Variants in STK32C observed in about 807,000 individuals in gnomAD.
STK32C encodes serine/threonine kinase 32C.
A neutral mutation model predicts 56.5 loss-of-function variants in STK32C; 31 were observed. The observed-to-expected ratio is 0.55, with a 90% CI of 0.41 to 0.74. The LOEUF is 0.74. Among genes scored for constraint, STK32C ranks in the 30% least tolerant of loss-of-function variants. The probability of loss-of-function intolerance (pLI) is 0.00; values close to 1 mark genes in which losing one functional copy is unlikely to be tolerated. For missense variants in STK32C, 544 were observed against 676.9 expected, an observed-to-expected ratio of 0.80 and a Z score of 2.18; for synonymous variants, 309 against 289.4, an observed-to-expected ratio of 1.07 and a Z score of -0.69.
chr10:132,249,240 T>G (rs994715909), intron 1 of STK32C: 23 of 333,194 alleles, frequency 6.9e-5, no homozygotes, highest in Admixed American at 1.6e-4. Context: ...GGGCTGAGGG[T>G]GGGGCTGTGG....
At chr10:132,210,973 G>T (rs992888416) in intron 10 of STK32C, among the ~76,000 whole-genome samples, 3 of 152,298 alleles carry the variant, frequency 2.0e-5, no homozygotes, top group African/African-American at 7.2e-5. Flanking sequence ...CGGTGTGAGC[G>T]GCCAGCACCT....
chr10:132,272,692 G>A (rs546697141), intron 1 of STK32C, among the ~76,000 whole-genome samples: 30 of 152,116 alleles, frequency 2.0e-4, no homozygotes, highest in South Asian at 6.2e-4. Context: ...TGGTCTCCCC[G>A]CCTCCACCCT....
rs2063672273 is a variant in STK32C at position 132,245,965 on chromosome 10, A to C, written c.263-10T>G. 1 of 1,613,340 alleles carries C rather than the reference A, an allele frequency of 6.2e-7. No homozygotes were observed. The highest frequency in any genetic ancestry group is 1.7e-5 in the Admixed American group (1 of 60,006). ...AAGTGGTCGAAGTTCACTGCAGGAT[A>C]AAACAGAGGGACACCTGGTGAGGTG... On this transcript the variant is annotated splice_polypyrimidine_tract_variant and intron_variant, in intron 1 of 11. Transcript: ENST00000298630.
chr10:132,215,436 G>A (rs925272325), intron 10 of STK32C, among the ~76,000 whole-genome samples: 20 of 152,100 alleles, frequency 1.3e-4, no homozygotes, highest in East Asian at 3.9e-4. Context: ...TTATGGGGGC[G>A]GGTCTTTCCT....
intron 10 of STK32C, among the ~76,000 whole-genome samples, chr10:132,211,619 C>T (rs1016961090): frequency 4.6e-5 from 7 of 152,192 alleles, no homozygotes; most frequent in African/African-American, 1.7e-4. Flanking sequence ...AGGGTCTGTG[C>T]CTGGCCTGGA....
Position 132,208,031 on chromosome 10 carries a change from G to T in STK32C, c.1440C>A (p.Cys480Ter). 7.6e-7 allele frequency: 1 copy of T among 1,310,390 alleles called. No homozygotes were observed. The highest frequency in any genetic ancestry group is 9.8e-7 in the Non-Finnish European group (1 of 1,022,200). 81.2% of individuals were successfully genotyped at this position (1,310,390 alleles called of 1,614,324 possible). ...RSALPMCGPI[C>*]PSAGSG Reference sequence around the variant, plus strand: ...CGGCCTAGCCGCTCCCGGCCGAGGGGCAAATGGGGCCGCACATGGGCAGGG... The same window carrying T: ...CGGCCTAGCCGCTCCCGGCCGAGGGTCAAATGGGGCCGCACATGGGCAGGG... Residue 480 changes from cysteine (C) to a stop codon, truncating the protein, a stop_gained, in exon 12 of 12, where the codon TGC becomes TGA. Coordinates refer to ENST00000298630, the MANE Select transcript of STK32C (RefSeq NM_173575.4). LOFTEE classifies it high-confidence loss of function.
downstream of STK32C, among the ~76,000 whole-genome samples, chr10:132,320,695 G>A (rs2066389962): frequency 2.6e-5 from 4 of 152,286 alleles, no homozygotes; most frequent in South Asian, 4.1e-4. Context: ...AATCCTTTGT[G>A]CGCCACGTTG....
upstream of STK32C, among the ~76,000 whole-genome samples, chr10:132,312,901 G>A (rs907310243): frequency 2.6e-5 from 4 of 152,262 alleles, no homozygotes; most frequent in African/African-American, 7.2e-5. Context: ...TTAGCCAGGC[G>A]TGGTGGCACA....
intron 3 of STK32C, 91 bp downstream of exon 3, chr10:132,227,886 C>A (rs932079271): frequency 5.3e-6 from 8 of 1,511,010 alleles, no homozygotes; most frequent in Non-Finnish European, 7.1e-6. Context: ...GGCACGAGGG[C>A]CAAGGAGCAC....
At chr10:132,250,873 C>T (rs1319737198) in intron 1 of STK32C, among the ~76,000 whole-genome samples, 1 of 152,206 alleles carries the variant, frequency 6.6e-6, no homozygotes, top group African/African-American at 2.4e-5. Context: ...GCACTCAGAG[C>T]CCCCAAAACC....
chr10:132,213,652 G>A (rs1261889288), intron 10 of STK32C, among the ~76,000 whole-genome samples: 1 of 152,202 alleles, frequency 6.6e-6, no homozygotes, highest in Non-Finnish European at 1.5e-5. Flanking sequence ...AATAGAGTGT[G>A]AAGAGACAAT....
chr10:132,270,927 C>A (rs2064797323), intron 1 of STK32C, among the ~76,000 whole-genome samples: 1 of 147,522 alleles, frequency 6.8e-6, no homozygotes, highest in African/African-American at 2.7e-5. Flanking sequence ...CCCTCCAGAG[C>A]AACAGCCAAT....
At position 132,324,966 on chromosome 10, in the gene STK32C, A is replaced by G. The variant is rs144807950; in HGVS notation, c.302-593T>C. On this transcript the variant is annotated intron_variant, in intron 1 of 1. Transcript: ENST00000368619. Reference sequence around the variant, plus strand: ...CAATTGGTTGAAAGAATTATTATCTAAAGACCTGGAATCAATCAACAGGAA... The same window carrying G: ...CAATTGGTTGAAAGAATTATTATCTGAAGACCTGGAATCAATCAACAGGAA... Among the ~76,000 whole-genome samples the G allele has an allele frequency of 4.1e-4, 63 of 152,336 alleles. 1 individual carries two copies. In the East Asian group the frequency reaches 0.01, roughly 24 times the overall value.
intron 1 of STK32C, among the ~76,000 whole-genome samples, chr10:132,259,521 C>G (rs779935720): frequency 6.6e-6 from 1 of 152,074 alleles, no homozygotes; most frequent in East Asian, 1.9e-4. Context: ...TTGCTGTTCT[C>G]GTGATAGTGA....
upstream of STK32C, among the ~76,000 whole-genome samples, chr10:132,311,557 T>C (rs775310524): frequency 5.3e-5 from 8 of 152,180 alleles, no homozygotes; most frequent in Non-Finnish European, 7.4e-5. This position sits in a 1 kb window ranked among gnomAD's most constrained non-coding sequence, Gnocchi z 4.4. Context: ...ACCTGGTGAC[T>C]CAGGAAGGAG....
At chr10:132,208,931 C>A in intron 11 of STK32C, 103 bp downstream of exon 11, 5 of 1,107,018 alleles carry the variant, frequency 4.5e-6, no homozygotes, top group South Asian at 4.3e-5. Flanking sequence ...GGGCCACGCA[C>A]CCCAGGCCCA....
chr10:132,224,620 T>TC (rs2062813265), intron 7 of STK32C, 97 bp from the exon 8 acceptor site: 8 of 812,584 alleles, frequency 9.8e-6, no homozygotes, highest in Admixed American at 8.5e-5. Flanking sequence ...GAGGACCCCC[T>TC]CCCCCCACCC....
Position 132,225,092 on chromosome 10 carries a change from C to T in STK32C, c.876+141G>A, listed in dbSNP as rs1209049162. 1.5e-5 allele frequency: 10 copies of T among 661,632 alleles called. No homozygotes were observed. In the Admixed American group the frequency reaches 2.1e-4, roughly 14 times the overall value. 41.0% of individuals were successfully genotyped at this position (661,632 alleles called of 1,614,324 possible). ...GCATTCCATCACCAACTACACACTT[C>T]GATAAAAGCGTGACTCCTCAGACAC... On this transcript the variant is annotated intron_variant, in intron 7 of 11. Transcript: ENST00000298630.
At chr10:132,323,338 G>T (rs2066443714), downstream of STK32C, among the ~76,000 whole-genome samples, 1 of 152,174 alleles carries the variant, frequency 6.6e-6, no homozygotes, top group Admixed American at 6.5e-5. The surrounding 1 kb of genome is among the most constrained non-coding windows in gnomAD (Gnocchi z 4.8). Context: ...ACCCATCCTT[G>T]ATATCTCTTA....
Sources: gnomAD v4.1 joint callset for allele counts (sites outside exome capture counted in the v4.1 genomes callset) on GRCh38, gnomAD v4.1.1 for gene constraint, Gnocchi (gnomAD v3.1) non-coding constraint, MANE v1.5 for transcripts, NCBI Gene and HGNC (gene_info 2026-07-23, HGNC 2026-07-21) for gene names.